The following SPON1 variants were observed in gnomAD, a reference collection of about 807,000 sequenced individuals.
SPON1 encodes the protein spondin 1, also known as spondin-1.
A neutral mutation model predicts 111.7 loss-of-function variants in SPON1; 52 were observed. The ratio of observed to expected loss-of-function variants is 0.47; its 90% CI spans 0.37 to 0.59. The LOEUF (loss-of-function observed/expected upper bound fraction) is 0.59, where lower values mean the gene tolerates loss of function less well. Among genes scored for constraint, SPON1 ranks in the 20% least tolerant of loss-of-function variants. SPON1 has a pLI of 0.00. For missense variants in SPON1, 957 were observed against 1,068.5 expected, an observed-to-expected ratio of 0.90 and a Z score of 1.46; for synonymous variants, 410 against 395.8, an observed-to-expected ratio of 1.04 and a Z score of -0.43.
intron 1 of SPON1, among the ~76,000 whole-genome samples, chr11:13,972,392 A>G (rs1554908693): frequency 1.3e-5 from 2 of 152,206 alleles, no homozygotes. Flanking sequence ...TTATCGTTAG[A>G]TTTAATCCAG....
At chr11:14,044,583 G>A (rs1848654708) in intron 3 of SPON1, among the ~76,000 whole-genome samples, 1 of 152,212 alleles carries the variant, frequency 6.6e-6, no homozygotes, top group African/African-American at 2.4e-5. Flanking sequence ...CCGCACTCCA[G>A]CCTGGGTGAC....
intron 6 of SPON1, among the ~76,000 whole-genome samples, chr11:14,198,066 TTAAC>T (rs1165128224): frequency 2.0e-5 from 3 of 152,218 alleles, no homozygotes; most frequent in Non-Finnish European, 4.4e-5. Flanking sequence ...AATTGTGTAA[TTAAC>T]TACCCACACC....
At chr11:14,008,667 C>T (rs1279457942) in intron 2 of SPON1, among the ~76,000 whole-genome samples, 1 of 152,164 alleles carries the variant, frequency 6.6e-6, no homozygotes, top group Non-Finnish European at 1.5e-5. Flanking sequence ...ATGGATCTCT[C>T]CATCCCTGTC....
In SPON1 at chr11:14,228,268, C is replaced by T. The variant is rs1274409004; in HGVS notation, c.826-15064C>T. Among the ~76,000 whole-genome samples, 6 of 152,232 alleles carry T rather than the reference C, an allele frequency of 3.9e-5. No homozygotes were observed. The highest frequency in any genetic ancestry group is 4.8e-5 in the African/African-American group (2 of 41,470). On this transcript the variant is annotated intron_variant, in intron 6 of 15. Transcript: ENST00000576479. This position sits in a 1 kb window ranked among gnomAD's most constrained non-coding sequence, Gnocchi z 4.2. ...AACACATTGTTCAGGCAGCAGCACA[C>T]GTATCCTTTGGGCTTTACCTAGTCA... is the stretch of plus-strand genomic sequence containing the variant.
intron 6 of SPON1, among the ~76,000 whole-genome samples, chr11:14,208,254 A>G (rs1323323137): frequency 6.6e-6 from 1 of 152,144 alleles, no homozygotes; most frequent in Non-Finnish European, 1.5e-5. Flanking sequence ...ACTAATGGGT[A>G]CTGGGCTTAA....
chr11:13,990,130 A>G (rs1214346845), intron 2 of SPON1, among the ~76,000 whole-genome samples: 1 of 152,024 alleles, frequency 6.6e-6, no homozygotes, highest in Non-Finnish European at 1.5e-5. Context: ...TGATCTGTCT[A>G]ATATTGGCAG....
chr11:14,206,823 A>G (rs1848522058), intron 6 of SPON1, among the ~76,000 whole-genome samples: 2 of 152,228 alleles, frequency 1.3e-5, no homozygotes, highest in Non-Finnish European at 2.9e-5. Flanking sequence ...AGCAATTTAT[A>G]GATTCAATGC....
chr11:14,066,231 T>C (rs1554920340), intron 3 of SPON1, among the ~76,000 whole-genome samples: 1 of 152,168 alleles, frequency 6.6e-6, no homozygotes, highest in Non-Finnish European at 1.5e-5. Context: ...CCCTTGTTCA[T>C]GTGTTATTAA....
At chr11:13,977,729 T>C (rs1396275973) in intron 1 of SPON1, among the ~76,000 whole-genome samples, 3 of 151,992 alleles carry the variant, frequency 2.0e-5, no homozygotes, top group Non-Finnish European at 4.4e-5. Context: ...TTTTTTATGC[T>C]CTATGTAAGA....
intron 6 of SPON1, among the ~76,000 whole-genome samples, chr11:14,218,817 C>A (rs951958205): frequency 1.3e-5 from 2 of 152,208 alleles, no homozygotes; most frequent in African/African-American, 4.8e-5. Flanking sequence ...TTTCTTTTCT[C>A]TGTCATAATT....
At chr11:14,138,976 T>TCTC (rs1240685725) in intron 6 of SPON1, among the ~76,000 whole-genome samples, 4 of 152,092 alleles carry the variant, frequency 2.6e-5, no homozygotes, top group African/African-American at 9.7e-5. Context: ...TGCCTCTGAT[T>TCTC]CTCCTCCTGT....
chr11:13,996,306 C>T (rs183194534), intron 2 of SPON1, among the ~76,000 whole-genome samples: 15 of 152,328 alleles, frequency 9.8e-5, no homozygotes, highest in Admixed American at 2.0e-4. Context: ...GATGTCAACA[C>T]CTCTTGCTTA....
At chr11:14,181,423 C>A (rs1848234175) in intron 6 of SPON1, among the ~76,000 whole-genome samples, 1 of 152,144 alleles carries the variant, frequency 6.6e-6, no homozygotes, top group South Asian at 2.1e-4. Flanking sequence ...CCATTTTCTC[C>A]AACTACCTTT....
chr11:14,021,531 G>T (rs1848481514), intron 2 of SPON1, among the ~76,000 whole-genome samples: 1 of 152,160 alleles, frequency 6.6e-6, no homozygotes, highest in South Asian at 2.1e-4. Flanking sequence ...CAAAGCACCA[G>T]GATCCAGTCC....
rs200037043 is a variant in SPON1 at position 14,216,611 on chromosome 11, T to TGGCAGAA, written c.826-26705_826-26699dup. 2.0e-5 allele frequency among the ~76,000 whole-genome samples: 3 copies of TGGCAGAA among 152,318 alleles called. No homozygotes were observed. The South Asian group carries it at 6.2e-4, about 32-fold the overall frequency. ...CCAGTATCTGAGGAAGGTCATCCCA[T>TGGCAGAA]GGCAGAAGGCAGAAGGCAGAAGTGA... On this transcript the variant is annotated intron_variant, in intron 6 of 15. Coordinates refer to ENST00000576479, the MANE Select transcript of SPON1 (RefSeq NM_006108.4).
At chr11:14,242,430 T>C in intron 6 of SPON1, among the ~76,000 whole-genome samples, 1 of 152,108 alleles carries the variant, frequency 6.6e-6, no homozygotes, top group Non-Finnish European at 1.5e-5. Flanking sequence ...TGGACTATTG[T>C]GTCTGAGCAC....
At chr11:14,157,626 C>T (rs769421786) in intron 6 of SPON1, among the ~76,000 whole-genome samples, 44 of 152,156 alleles carry the variant, frequency 2.9e-4, no homozygotes, top group Admixed American at 5.9e-4. Flanking sequence ...TTGGTTCTAT[C>T]CCAATATTCT....
At chr11:14,185,463 T>C (rs1848276719) in intron 6 of SPON1, among the ~76,000 whole-genome samples, 1 of 152,222 alleles carries the variant, frequency 6.6e-6, no homozygotes. Flanking sequence ...ATCTATAGAA[T>C]CTTGCAACCA....
intron 3 of SPON1, among the ~76,000 whole-genome samples, chr11:14,070,450 A>T (rs1848866425): frequency 6.6e-6 from 1 of 152,170 alleles, no homozygotes; most frequent in African/African-American, 2.4e-5. Flanking sequence ...CATCAATCAT[A>T]AAAACAACTA....
Sources: gnomAD v4.1 joint callset for allele counts (sites outside exome capture counted in the v4.1 genomes callset) on GRCh38, gnomAD v4.1.1 for gene constraint, Gnocchi (gnomAD v3.1) non-coding constraint, MANE v1.5 for transcripts, NCBI Gene and HGNC (gene_info 2026-07-23, HGNC 2026-07-21) for gene names.